The following SH3D19 variants were observed in gnomAD, a reference collection of about 807,000 sequenced individuals.
SH3D19 encodes the protein SH3 domain containing 19.
In SH3D19, 58 loss-of-function variants were observed where a neutral mutation model predicts 112.1. The observed-to-expected ratio is 0.52, with a 90% CI of 0.42 to 0.64. The LOEUF (loss-of-function observed/expected upper bound fraction) is 0.64. Among genes scored for constraint, SH3D19 ranks in the 30% least tolerant of loss-of-function variants. The pLI is 0.00. For synonymous variants in SH3D19, 391 were observed against 448.5 expected (o/e 0.87, Z 1.62); for missense variants, 1,090 against 1,263.4 (o/e 0.86, Z 2.08).
chr4:151,242,679 C>T (rs150288210), intron 1 of SH3D19, among the ~76,000 whole-genome samples: 123 of 152,252 alleles, frequency 8.1e-4, no homozygotes, highest in Non-Finnish European at 9.7e-4. Flanking sequence ...TTTAGAAGCA[C>T]AGCTTTTATA....
intron 17 of SH3D19, among the ~76,000 whole-genome samples, 169 bp downstream of exon 17, chr4:151,132,162 A>G (rs944953225): frequency 6.6e-6 from 1 of 152,206 alleles, no homozygotes; most frequent in African/African-American, 2.4e-5. Context: ...ATGTTTTTGT[A>G]TGAGCTCTCT....
Position 151,133,079 on chromosome 4 carries a change from C to T in SH3D19, c.2644G>A (p.Val882Met). ...GTGGGATAATCCTCAACAGGCTCCA[C>T]AAAGTTCAGGGGGAAAATCCCAGTT... ...GRTGIFPLNF[V>M]EPVEDYPTSG... Residue 882 changes from valine (V) to methionine (M), a missense_variant, in exon 16 of 20, where the codon GTG becomes ATG. Transcript: ENST00000604030. 1 of 1,614,060 alleles carries T rather than the reference C, an allele frequency of 6.2e-7. No individual in the cohort carries two copies. Among genetic ancestry groups the T allele is most frequent in the Admixed American group, 1.7e-5 (1 of 60,028 alleles).
Position 151,135,101 on chromosome 4 carries a change from CTT to C in SH3D19, c.2457_2458del (p.Glu821MetfsTer8). The C allele has an allele frequency of 6.2e-7, 1 of 1,605,140 alleles. No homozygotes were observed. Among genetic ancestry groups the C allele is most frequent in the Non-Finnish European group, 8.5e-7 (1 of 1,176,154 alleles). ...AACACAATGAGATGAAACACATTCT[CTT>C]TTCCCATTTCCTCCTTCTGGGATAT... On this transcript the variant is annotated frameshift_variant, in exon 15 of 20. Coordinates refer to ENST00000604030, the MANE Select transcript of SH3D19 (RefSeq NM_001378122.1). LOFTEE classifies it high-confidence loss of function.
At chr4:151,297,794 G>A (rs1007097781) in intron 1 of SH3D19, among the ~76,000 whole-genome samples, 3 of 152,184 alleles carry the variant, frequency 2.0e-5, no homozygotes, top group Admixed American at 6.5e-5. Context: ...GTTACTACAC[G>A]TAGTAAAGGG....
chr4:151,156,853 C>T (rs997584327), intron 9 of SH3D19, among the ~76,000 whole-genome samples: 1 of 152,134 alleles, frequency 6.6e-6, no homozygotes, highest in Non-Finnish European at 1.5e-5. Flanking sequence ...GTAAAGGAAA[C>T]AACCAACAGA....
At chr4:151,253,372 T>C (rs980183474) in intron 1 of SH3D19, among the ~76,000 whole-genome samples, 1 of 152,228 alleles carries the variant, frequency 6.6e-6, no homozygotes, top group Non-Finnish European at 1.5e-5. Context: ...ACCTCAGTGA[T>C]GCCTTGTCTG....
intron 2 of SH3D19, among the ~76,000 whole-genome samples, chr4:151,221,110 AT>A (rs1195430776): frequency 1.3e-5 from 2 of 152,192 alleles, no homozygotes; most frequent in Non-Finnish European, 2.9e-5. Flanking sequence ...CTTGACAAGA[AT>A]TATGTTTTCC....
Position 151,265,624 on chromosome 4 carries a change from T to G in SH3D19, c.113-39538A>C, listed in dbSNP as rs1255216488. Among the ~76,000 whole-genome samples, 14 of 146,756 alleles carry G rather than the reference T, an allele frequency of 9.5e-5. No individual in the cohort carries two copies. The Admixed American group carries it at 9.8e-4, about 10-fold the overall frequency. ...CAGAGTCTTGCTGTGTCACCCAGGC[T>G]GGAGTATAGTGGCACAATCTCAGCT... On this transcript the variant is annotated intron_variant, in intron 1 of 19. Transcript: ENST00000604030.
intron 12 of SH3D19, among the ~76,000 whole-genome samples, chr4:151,143,366 G>A (rs1000575471): frequency 1.4e-4 from 21 of 152,180 alleles, no homozygotes; most frequent in African/African-American, 4.3e-4. Context: ...GGATAATGCC[G>A]TACCAAAACA....
At chr4:151,298,830 T>C (rs1728045031) in intron 1 of SH3D19, among the ~76,000 whole-genome samples, 1 of 152,224 alleles carries the variant, frequency 6.6e-6, no homozygotes, top group Admixed American at 6.5e-5. Flanking sequence ...CCAGTAAGAT[T>C]GCTGCCTCCC....
At chr4:151,264,329 G>A (rs1357349422) in intron 1 of SH3D19, among the ~76,000 whole-genome samples, 1 of 150,654 alleles carries the variant, frequency 6.6e-6, no homozygotes, top group African/African-American at 2.4e-5. Flanking sequence ...CACCCGGGAG[G>A]CTGAGGTAGG....
chr4:151,139,273 C>G (rs1366445477), intron 13 of SH3D19, among the ~76,000 whole-genome samples: 1 of 152,066 alleles, frequency 6.6e-6, no homozygotes, highest in Non-Finnish European at 1.5e-5. Context: ...CCTGCCTCAG[C>G]CTCCCGAATA....
At chr4:151,235,952 C>G (rs1416519183) in intron 1 of SH3D19, among the ~76,000 whole-genome samples, 2 of 152,170 alleles carry the variant, frequency 1.3e-5, no homozygotes, top group African/African-American at 2.4e-5. Flanking sequence ...CAGGCCTGAC[C>G]CATAGCTACC....
chr4:151,234,849 G>A (rs1440819084), intron 1 of SH3D19, among the ~76,000 whole-genome samples: 3 of 146,838 alleles, frequency 2.0e-5, no homozygotes, highest in Non-Finnish European at 4.5e-5. Context: ...CTGGGCTCAG[G>A]AGATCCCACC....
chr4:151,184,422 C>G (rs1181563119), intron 3 of SH3D19, among the ~76,000 whole-genome samples: 1 of 152,150 alleles, frequency 6.6e-6, no homozygotes, highest in Admixed American at 6.6e-5. Flanking sequence ...TATATGTTAT[C>G]ATGAAAGGAT....
At chr4:151,137,163 A>C (rs1382778859) in intron 14 of SH3D19, among the ~76,000 whole-genome samples, 1 of 152,216 alleles carries the variant, frequency 6.6e-6, no homozygotes, top group African/African-American at 2.4e-5. Context: ...AGGGTATAAA[A>C]ATTCTGGTGC....
chr4:151,124,680 T>C (rs1200654432), intron 19 of SH3D19, among the ~76,000 whole-genome samples: 2 of 151,834 alleles, frequency 1.3e-5, no homozygotes, highest in Non-Finnish European at 2.9e-5. Context: ...ATCGCGCCGC[T>C]GACTGCACTC....
intron 1 of SH3D19, among the ~76,000 whole-genome samples, chr4:151,239,688 C>A (rs1261786744): frequency 6.6e-6 from 1 of 151,946 alleles, no homozygotes; most frequent in African/African-American, 2.4e-5. Flanking sequence ...AATATGTTGA[C>A]AGAATTTTAA....
At chr4:151,261,369 C>T (rs755830991) in intron 1 of SH3D19, 3 of 152,210 alleles carry the variant, frequency 2.0e-5, no homozygotes, top group African/African-American at 7.2e-5. Flanking sequence ...ATTATCCCCC[C>T]ACCCTGATTT....
Sources: allele counts gnomAD v4.1 joint callset (sites outside exome capture counted in the v4.1 genomes callset), GRCh38; gene constraint gnomAD v4.1.1; transcripts MANE v1.5; gene names NCBI Gene and HGNC (gene_info 2026-07-23, HGNC 2026-07-21).